The following AUTS2 variants were observed in gnomAD, a reference collection of about 807,000 sequenced individuals.
AUTS2 encodes the protein autism susceptibility gene 2 protein.
A neutral mutation model predicts 112.4 loss-of-function variants in AUTS2; 17 were observed. That is an observed-to-expected ratio of 0.15 (90% CI 0.10 to 0.23). The LOEUF is 0.23. Ranked by LOEUF, AUTS2 falls within the 10% of genes least tolerant of loss-of-function variation. AUTS2 has a pLI of 1.00. For synonymous variants in AUTS2, 751 were observed against 702.7 expected (o/e 1.07, Z -1.09); for missense variants, 1,510 against 1,701.6 (o/e 0.89, Z 1.98).
At chr7:70,675,977 A>T (rs117136931) in intron 5 of AUTS2, among the ~76,000 whole-genome samples, 1 of 152,288 alleles carries the variant, frequency 6.6e-6, no homozygotes, top group East Asian at 1.9e-4. Flanking sequence ...GTGTCAAAGG[A>T]TGTGCAGCTG....
chr7:70,183,097 G>A (rs1250125514), intron 4 of AUTS2, among the ~76,000 whole-genome samples: 1 of 152,160 alleles, frequency 6.6e-6, no homozygotes, highest in African/African-American at 2.4e-5. Context: ...AATGGAGTGC[G>A]AAGAAGCTGA....
chr7:70,786,168 A>G, intron 17 of AUTS2, 130 bp downstream of exon 17: 1 of 748,944 alleles, frequency 1.3e-6, no homozygotes, highest in Non-Finnish European at 2.1e-6. Context: ...TATCACTGCA[A>G]AAGCAGGCCT....
intron 1 of AUTS2, among the ~76,000 whole-genome samples, chr7:69,645,561 C>T (rs1794986127): frequency 6.6e-6 from 1 of 152,100 alleles, no homozygotes; most frequent in African/African-American, 2.4e-5. Flanking sequence ...AAACATTAAA[C>T]AAATTTGGAC....
intron 4 of AUTS2, among the ~76,000 whole-genome samples, chr7:70,248,659 T>C (rs1024544603): frequency 6.6e-6 from 1 of 152,200 alleles, no homozygotes; most frequent in African/African-American, 2.4e-5. Context: ...CTGCTTTTCT[T>C]TGAATTGTTT....
At chr7:70,546,627 A>G (rs1452013256) in intron 5 of AUTS2, among the ~76,000 whole-genome samples, 2 of 151,524 alleles carry the variant, frequency 1.3e-5, no homozygotes, top group South Asian at 2.1e-4. Flanking sequence ...AAATACAAAA[A>G]AATTAGCCGG....
chr7:70,332,180 A>G (rs563192390), intron 4 of AUTS2, among the ~76,000 whole-genome samples: 2 of 152,018 alleles, frequency 1.3e-5, no homozygotes, highest in South Asian at 4.2e-4. Context: ...AGACAAACAG[A>G]GAGCCAAATC....
Position 70,790,765 on chromosome 7 carries a change from C to T in AUTS2, c.3549C>T (p.Ser1183=), listed in dbSNP as rs773519129. 1 of 1,613,220 alleles carries T rather than the reference C, an allele frequency of 6.2e-7. No homozygotes were observed. The highest frequency in any genetic ancestry group is 8.5e-7 in the Non-Finnish European group (1 of 1,179,820). The change falls in exon 19 of 19, where the codon AGC becomes AGT. Residue 1183 remains serine (S), a synonymous_variant. Transcript: ENST00000342771. The surrounding 1 kb of genome is among the most constrained non-coding windows in gnomAD (Gnocchi z 7.6). ...ASLDGHLPHP[S]LITPGLPSMH... ...TCGACGGACACCTCCCCCACCCCAG[C>T]CTCATCACCCCGGGACTCCCCAGCA...
At chr7:70,419,206 T>G (rs1795113050) in intron 4 of AUTS2, among the ~76,000 whole-genome samples, 3 of 152,190 alleles carry the variant, frequency 2.0e-5, no homozygotes, top group Admixed American at 2.0e-4. Flanking sequence ...CTTTATGAAC[T>G]TTAATTTAAT....
At chr7:69,632,916 AG>A (rs1794334029) in intron 1 of AUTS2, among the ~76,000 whole-genome samples, 1 of 152,160 alleles carries the variant, frequency 6.6e-6, no homozygotes, top group Admixed American at 6.5e-5. Context: ...GCATAGAGAT[AG>A]TAAAAAGGTT....
intron 5 of AUTS2, among the ~76,000 whole-genome samples, chr7:70,674,515 C>T (rs1469874957): frequency 6.6e-6 from 1 of 152,068 alleles, no homozygotes; most frequent in Non-Finnish European, 1.5e-5. Flanking sequence ...GTGGGGTAGG[C>T]GAGGAGTGAT....
chr7:70,206,181 T>G (rs1293965782), intron 4 of AUTS2, among the ~76,000 whole-genome samples: 1 of 152,154 alleles, frequency 6.6e-6, no homozygotes, highest in African/African-American at 2.4e-5. Context: ...TAGCTCATGT[T>G]AAGTCTGTTT....
chr7:70,020,593 G>A (rs557158806), intron 2 of AUTS2, among the ~76,000 whole-genome samples: 12 of 152,212 alleles, frequency 7.9e-5, no homozygotes, highest in East Asian at 7.7e-4. Flanking sequence ...GTTCCCTACC[G>A]TTTCTTCTTT....
At position 69,636,198 on chromosome 7, in the gene AUTS2, A is replaced by T. The variant is rs191208335; in HGVS notation, c.309+36236A>T. ...AGGTTTATTGTAGAAAAATTGGAAG[A>T]CATAGATAAGCAAGGAAGAAAATAA... On this transcript the variant is annotated intron_variant, in intron 1 of 18. Transcript: ENST00000342771. Among the ~76,000 whole-genome samples the T allele has an allele frequency of 2.1e-3, 322 of 152,382 alleles. 3 individuals are homozygous for T. The highest frequency in any genetic ancestry group is 7.6e-3 in the African/African-American group (315 of 41,594).
intron 1 of AUTS2, among the ~76,000 whole-genome samples, chr7:69,636,834 C>T (rs1010432097): frequency 7.9e-5 from 12 of 152,040 alleles, no homozygotes; most frequent in Non-Finnish European, 1.3e-4. Context: ...GGCGCGATCT[C>T]GGCTCACTCC....
intron 4 of AUTS2, chr7:70,290,335 G>T (rs1348828552): frequency 6.8e-7 from 1 of 1,462,480 alleles, no homozygotes; most frequent in Non-Finnish European, 9.0e-7. Flanking sequence ...ACATTCTTTT[G>T]AATCATTTGA....
At chr7:70,340,194 A>ACACACACACACCCCC (rs942358361) in intron 4 of AUTS2, among the ~76,000 whole-genome samples, 20 of 151,002 alleles carry the variant, frequency 1.3e-4, no homozygotes, top group African/African-American at 4.6e-4. Flanking sequence ...ACACACACAC[A>ACACACACACACCCCC]CCCCGTAATA....
At chr7:70,335,314 C>G (rs924776511) in intron 4 of AUTS2, among the ~76,000 whole-genome samples, 1 of 152,174 alleles carries the variant, frequency 6.6e-6, no homozygotes, top group Non-Finnish European at 1.5e-5. Flanking sequence ...ACTACACACT[C>G]TCTCCTGCCC....
intron 4 of AUTS2, among the ~76,000 whole-genome samples, chr7:70,161,969 G>A (rs1808099468): frequency 6.6e-6 from 1 of 152,128 alleles, no homozygotes; most frequent in African/African-American, 2.4e-5. Context: ...TCCTTGATAG[G>A]ATTACTAGGA....
At position 69,718,460 on chromosome 7, in the gene AUTS2, A is replaced by G. The variant is rs545056220; in HGVS notation, c.309+118498A>G. 9.2e-5 allele frequency among the ~76,000 whole-genome samples: 14 copies of G among 152,270 alleles called. No homozygotes were observed. The East Asian group carries it at 1.7e-3, about 19-fold the overall frequency. On this transcript the variant is annotated intron_variant, in intron 1 of 18. Transcript: ENST00000342771. ...CATCTAGAGGCTTCCCTGAACTCCTAGGTGTATGGCTCTTCCCTTCATCTT... is the reference window on the plus strand; with the variant it reads ...CATCTAGAGGCTTCCCTGAACTCCTGGGTGTATGGCTCTTCCCTTCATCTT...
Sources: allele counts gnomAD v4.1 joint callset (sites outside exome capture counted in the v4.1 genomes callset), GRCh38; gene constraint gnomAD v4.1.1; non-coding constraint Gnocchi (gnomAD v3.1); transcripts MANE v1.5; gene names NCBI Gene and HGNC (gene_info 2026-07-23, HGNC 2026-07-21).